GRIK2: variants seen among roughly 807,000 people sequenced by gnomAD.
GRIK2 encodes the protein glutamate receptor ionotropic, kainate 2.
GRIK2 carries 32 observed loss-of-function variants against 100.3 expected under a neutral mutation model. The ratio of observed to expected loss-of-function variants is 0.32; its 90% CI spans 0.24 to 0.43. The LOEUF is 0.43. Ranked by LOEUF, GRIK2 falls within the 20% of genes least tolerant of loss-of-function variation. The pLI is 1.00. For missense variants in GRIK2, 843 were observed against 1,114.9 expected, an observed-to-expected ratio of 0.76 and a Z score of 3.47; for synonymous variants, 417 against 389.4, an observed-to-expected ratio of 1.07 and a Z score of -0.83.
chr6:101,437,207 C>T (rs892044684), intron 2 of GRIK2, among the ~76,000 whole-genome samples: 1 of 152,044 alleles, frequency 6.6e-6, no homozygotes, highest in Non-Finnish European at 1.5e-5. Context: ...TATTTCTATA[C>T]TGAGAAAAAT....
intron 5 of GRIK2, among the ~76,000 whole-genome samples, chr6:101,677,919 A>T (rs1263938437): frequency 6.6e-6 from 1 of 152,282 alleles, no homozygotes; most frequent in South Asian, 2.1e-4. Flanking sequence ...GATTTGAAAA[A>T]TTGCTATAGT....
chr6:101,565,933 G>GTA (rs1442058935), intron 2 of GRIK2, among the ~76,000 whole-genome samples: 9 of 62,764 alleles, frequency 1.4e-4, no homozygotes, highest in African/African-American at 4.6e-4. Flanking sequence ...ATATATATAT[G>GTA]TGTATATATA....
At position 101,465,611 on chromosome 6, in the gene GRIK2, G is replaced by C. The variant is rs80153195; in HGVS notation, c.115+66219G>C. Among the ~76,000 whole-genome samples, 341 of 152,218 alleles carry C rather than the reference G, an allele frequency of 2.2e-3. 1 individual carries two copies. The highest frequency in any genetic ancestry group is 7.7e-3 in the African/African-American group (320 of 41,540). On this transcript the variant is annotated intron_variant, in intron 2 of 16. Transcript: ENST00000369134. ...CCTCAGATTTAGAGAGTCTCACCCAGTAGATCTGCGGTGAAATCCAGGGCT... is the reference window on the plus strand; with the variant it reads ...CCTCAGATTTAGAGAGTCTCACCCACTAGATCTGCGGTGAAATCCAGGGCT...
chr6:101,754,312 T>C (rs979852840), intron 7 of GRIK2, among the ~76,000 whole-genome samples: 1 of 152,184 alleles, frequency 6.6e-6, no homozygotes, highest in Non-Finnish European at 1.5e-5. Flanking sequence ...TGAAAGGCAA[T>C]ATGTGCCTGA....
At chr6:101,686,471 C>G in intron 7 of GRIK2, 118 bp downstream of exon 7, 1 of 679,198 alleles carries the variant, frequency 1.5e-6, no homozygotes, top group Non-Finnish European at 2.5e-6. Context: ...ACATTAAAAG[C>G]AAAATATCAG....
intron 2 of GRIK2, among the ~76,000 whole-genome samples, chr6:101,421,856 T>C (rs536656066): frequency 8.9e-4 from 135 of 152,328 alleles, no homozygotes; most frequent in Non-Finnish European, 1.3e-3. Context: ...CAAATCTCAC[T>C]TGAATTTCAT....
chr6:101,873,402 A>G (rs1582427527), intron 11 of GRIK2, among the ~76,000 whole-genome samples: 2 of 151,844 alleles, frequency 1.3e-5, no homozygotes, highest in East Asian at 3.9e-4. Context: ...AGCTTCATCC[A>G]TGTCCCTACA....
chr6:101,593,263 A>C (rs1044716069), intron 2 of GRIK2, among the ~76,000 whole-genome samples: 13 of 151,898 alleles, frequency 8.6e-5, no homozygotes, highest in Non-Finnish European at 1.8e-4. Context: ...TGGGAATAGA[A>C]GCAACTTCCT....
intron 2 of GRIK2, among the ~76,000 whole-genome samples, chr6:101,473,851 A>G (rs1772081949): frequency 6.6e-6 from 1 of 151,866 alleles, no homozygotes; most frequent in South Asian, 2.1e-4. Flanking sequence ...TGAACAGCAG[A>G]TGTTGCTTTT....
intron 2 of GRIK2, among the ~76,000 whole-genome samples, chr6:101,447,605 A>G (rs1416572012): frequency 6.6e-6 from 1 of 151,736 alleles, no homozygotes; most frequent in Non-Finnish European, 1.5e-5. Flanking sequence ...TATGTATGTC[A>G]GGGAACATTA....
At chr6:101,858,211 T>G (rs568220401) in intron 10 of GRIK2, among the ~76,000 whole-genome samples, 1 of 152,226 alleles carries the variant, frequency 6.6e-6, no homozygotes, top group East Asian at 1.9e-4. Context: ...GTTGTATTTG[T>G]TTAGGCATTT....
chr6:101,889,964 A>T lies in GRIK2; in HGVS notation c.1748+101A>T, dbSNP rs572232554. On this transcript the variant is annotated intron_variant, in intron 12 of 16. Transcript: ENST00000369134. Reference sequence around the variant, plus strand: ...ATCAATTTTACTTTTTCTGTTCTTTATTTTCCATGGGGTGCTGAGAAATAA... The same window carrying T: ...ATCAATTTTACTTTTTCTGTTCTTTTTTTTCCATGGGGTGCTGAGAAATAA... 7.0e-6 allele frequency: 5 copies of T among 711,414 alleles called. No homozygotes were observed. The African/African-American group carries it at 8.9e-5, about 13-fold the overall frequency. 44.1% of individuals were successfully genotyped at this position (711,414 alleles called of 1,614,324 possible). A position where few individuals can be genotyped will look rare whatever the true frequency, so the allele number is the denominator to read the frequency against.
chr6:101,796,318 A>T (rs942926371), intron 7 of GRIK2, among the ~76,000 whole-genome samples: 3 of 152,210 alleles, frequency 2.0e-5, no homozygotes, highest in African/African-American at 7.2e-5. Context: ...TATTAATATT[A>T]TTAATAGAAG....
chr6:101,927,369 C>G (rs1237595052), intron 13 of GRIK2: 1 of 483,712 alleles, frequency 2.1e-6, no homozygotes, highest in Non-Finnish European at 2.7e-6. Flanking sequence ...CCATTTTACT[C>G]AAACACAAAT....
chr6:101,734,070 C>T (rs1171429100), intron 7 of GRIK2, among the ~76,000 whole-genome samples: 1 of 152,068 alleles, frequency 6.6e-6, no homozygotes, highest in Non-Finnish European at 1.5e-5. Context: ...AGCCTCCACC[C>T]ACTACTGAGT....
intron 10 of GRIK2, among the ~76,000 whole-genome samples, chr6:101,822,207 T>TAC (rs58680927): frequency 0.15 from 21,440 of 143,032 alleles, 2,308 homozygotes; most frequent in African/African-American, 0.32. Flanking sequence ...TGGAGAGTTT[T>TAC]ACACACACAC....
chr6:101,410,053 TA>T (rs1476533333), intron 2 of GRIK2, among the ~76,000 whole-genome samples: 1 of 152,086 alleles, frequency 6.6e-6, no homozygotes, highest in Non-Finnish European at 1.5e-5. Flanking sequence ...TTTTCTTCCT[TA>T]AACATCATGA....
chr6:102,020,290 T>A (rs1769358504), intron 14 of GRIK2, among the ~76,000 whole-genome samples: 1 of 151,972 alleles, frequency 6.6e-6, no homozygotes, highest in Admixed American at 6.6e-5. Flanking sequence ...ATGGAAGACT[T>A]TCTTCAGGAC....
intron 10 of GRIK2, among the ~76,000 whole-genome samples, chr6:101,833,575 T>C (rs899071646): frequency 3.9e-5 from 6 of 152,178 alleles, no homozygotes; most frequent in African/African-American, 1.4e-4. Context: ...GAAAACCTTT[T>C]ATTTATACTT....
Sources: allele counts gnomAD v4.1 joint callset (sites outside exome capture counted in the v4.1 genomes callset), GRCh38; gene constraint gnomAD v4.1.1; transcripts MANE v1.5; gene names NCBI Gene and HGNC (gene_info 2026-07-23, HGNC 2026-07-21).